CNTLN: variants seen among roughly 807,000 people sequenced by gnomAD.
CNTLN encodes the protein centlein, also known as centlein, centrosomal protein.
Under a neutral mutation model 180.0 loss-of-function variants are expected in CNTLN, and 212 were observed. The ratio of observed to expected loss-of-function variants is 1.18; its 90% CI spans 1.05 to 1.32. The LOEUF (loss-of-function observed/expected upper bound fraction) is 1.32. Ranked by LOEUF, CNTLN falls within the 40% of genes most tolerant of loss-of-function variation. CNTLN has a pLI of 0.00. For synonymous variants in CNTLN, 722 were observed against 563.1 expected (o/e 1.28, Z -3.99); for missense variants, 2,095 against 1,610.9 (o/e 1.30, Z -5.14).
intron 7 of CNTLN, chr9:17,301,982 G>A (rs631300): frequency 0.15 from 142,516 of 968,980 alleles, 12,172 homozygotes; most frequent in African/African-American, 0.35. Context: ...TCTACTGTTG[G>A]TTATATATGT....
At chr9:17,312,368 AT>A (rs1242133193) in intron 8 of CNTLN, among the ~76,000 whole-genome samples, 22 of 9,352 alleles carry the variant, frequency 2.4e-3, no homozygotes, top group Middle Eastern at 0.036. Context: ...TATATATTAT[AT>A]ATATATATAT....
At chr9:17,163,402 C>A (rs994729071) in intron 2 of CNTLN, among the ~76,000 whole-genome samples, 5 of 152,184 alleles carry the variant, frequency 3.3e-5, no homozygotes, top group African/African-American at 1.2e-4. Flanking sequence ...TAACAAAGTA[C>A]AAGTTGATAC....
intron 13 of CNTLN, among the ~76,000 whole-genome samples, chr9:17,371,252 T>C (rs1824293013): frequency 6.6e-6 from 1 of 152,024 alleles, no homozygotes; most frequent in Admixed American, 6.5e-5. Flanking sequence ...TAAAGAAACA[T>C]ATAGACTGAA....
chr9:17,297,022 A>G (rs1029443648), intron 6 of CNTLN, among the ~76,000 whole-genome samples: 1 of 152,224 alleles, frequency 6.6e-6, no homozygotes, highest in Admixed American at 6.5e-5. Flanking sequence ...ACAATCTTCA[A>G]AATATTATGT....
intron 14 of CNTLN, among the ~76,000 whole-genome samples, chr9:17,392,109 T>A (rs2119906): frequency 0.82 from 124,288 of 151,962 alleles, 51,296 homozygotes; most frequent in Non-Finnish European, 0.87. Context: ...CTCTACAAAA[T>A]ATAAAAAATT....
chr9:17,394,515 A>C lies in CNTLN; in HGVS notation c.2080-19A>C. On this transcript the variant is annotated intron_variant, in intron 14 of 25. Coordinates refer to ENST00000380647, the MANE Select transcript of CNTLN (RefSeq NM_017738.4). ...ATTATGGTTTTTGGATTCTTAAAAG[A>C]ATAAACTCTTTCCTTTAGGTCACTG... 6.8e-7 allele frequency: 1 copy of C among 1,460,194 alleles called. No homozygotes were observed. The highest frequency in any genetic ancestry group is 9.3e-7 in the Non-Finnish European group (1 of 1,079,572). The allele number at this position is 1,460,194 out of a possible 1,614,324, so 90.5% of individuals were successfully genotyped here.
chr9:17,274,616 C>T (rs531937433), intron 6 of CNTLN, among the ~76,000 whole-genome samples: 5 of 151,946 alleles, frequency 3.3e-5, no homozygotes, highest in African/African-American at 9.6e-5. Context: ...AGCATGGGAT[C>T]GAAGATATGC....
At chr9:17,416,987 A>G (rs1828303447) in intron 18 of CNTLN, among the ~76,000 whole-genome samples, 1 of 152,178 alleles carries the variant, frequency 6.6e-6, no homozygotes, top group African/African-American at 2.4e-5. Flanking sequence ...TTCAAACAAT[A>G]CATATAAACA....
chr9:17,421,075 A>G (rs1213753279), intron 18 of CNTLN, among the ~76,000 whole-genome samples: 1 of 152,116 alleles, frequency 6.6e-6, no homozygotes, highest in African/African-American at 2.4e-5. Flanking sequence ...TATGAGGTTC[A>G]TTTGGTTTAT....
At chr9:17,305,390 A>G (rs1293760245) in intron 7 of CNTLN, among the ~76,000 whole-genome samples, 23 of 152,204 alleles carry the variant, frequency 1.5e-4, no homozygotes, top group Admixed American at 1.5e-3. Flanking sequence ...AAGAAGTTAT[A>G]GAGAAAAGAG....
chr9:17,510,369 G>A, the CNTLN span, among the ~76,000 whole-genome samples: 1 of 152,172 alleles, frequency 6.6e-6, no homozygotes, highest in Non-Finnish European at 1.5e-5. Flanking sequence ...AAATGAATAT[G>A]TTTGTGCATG....
chr9:17,380,701 A>T (rs977980019), intron 13 of CNTLN, among the ~76,000 whole-genome samples: 1 of 152,194 alleles, frequency 6.6e-6, no homozygotes, highest in African/African-American at 2.4e-5. Flanking sequence ...TTCACAAACC[A>T]TTTCTTACCA....
chr9:17,518,639 G>C, the CNTLN span, among the ~76,000 whole-genome samples: 1 of 152,160 alleles, frequency 6.6e-6, no homozygotes, highest in African/African-American at 2.4e-5. Flanking sequence ...CCTATGATGG[G>C]ATTATACTTC....
At chr9:17,306,364 G>C (rs1052747388) in intron 7 of CNTLN, among the ~76,000 whole-genome samples, 13 of 152,210 alleles carry the variant, frequency 8.5e-5, no homozygotes, top group Admixed American at 2.0e-4. Context: ...GGTGAGGCTG[G>C]TCTTGAACTC....
intron 13 of CNTLN, among the ~76,000 whole-genome samples, chr9:17,376,936 A>T (rs1587823774): frequency 6.6e-6 from 1 of 152,350 alleles, no homozygotes; most frequent in Admixed American, 6.5e-5. Flanking sequence ...GCTTCAAAAG[A>T]ATTAATTTCT....
At chr9:17,179,074 C>G (rs1290982125) in intron 2 of CNTLN, among the ~76,000 whole-genome samples, 1 of 148,818 alleles carries the variant, frequency 6.7e-6, no homozygotes, top group African/African-American at 2.6e-5. Flanking sequence ...GAAACCCCGT[C>G]TCTACTAAAA....
At chr9:17,412,241 A>G (rs1222120910) in intron 16 of CNTLN, among the ~76,000 whole-genome samples, 1 of 152,214 alleles carries the variant, frequency 6.6e-6, no homozygotes, top group African/African-American at 2.4e-5. Flanking sequence ...TTGCCCCATC[A>G]GTGTGGTGTC....
chr9:17,298,422 A>T (rs1818107144), intron 7 of CNTLN, 70 bp downstream of exon 7: 4 of 1,318,862 alleles, frequency 3.0e-6, no homozygotes, highest in Non-Finnish European at 3.9e-6. Context: ...TAGAATTCAG[A>T]TTTTTTCAAA....
intron 2 of CNTLN, among the ~76,000 whole-genome samples, chr9:17,186,192 T>C (rs1363600848): frequency 2.0e-5 from 3 of 152,212 alleles, no homozygotes; most frequent in Non-Finnish European, 4.4e-5. Context: ...TGCCACATGT[T>C]CATGCACACT....
Sources: gnomAD v4.1 joint callset for allele counts (sites outside exome capture counted in the v4.1 genomes callset) on GRCh38, gnomAD v4.1.1 for gene constraint, MANE v1.5 for transcripts, NCBI Gene and HGNC (gene_info 2026-07-23, HGNC 2026-07-21) for gene names.